The following MCM9 variants were observed in gnomAD, a reference collection of about 807,000 sequenced individuals.
MCM9 encodes minichromosome maintenance 9 homologous recombination repair factor, also known as DNA helicase MCM9.
In MCM9, 55 loss-of-function variants were observed where a neutral mutation model predicts 72.8. The ratio of observed to expected loss-of-function variants is 0.76; its 90% CI spans 0.61 to 0.95. The LOEUF (loss-of-function observed/expected upper bound fraction) is 0.95, where lower values mean the gene tolerates loss of function less well. Among genes scored for constraint, MCM9 ranks in the 40% least tolerant of loss-of-function variants. The pLI is 0.00. For synonymous variants in MCM9, 480 were observed against 503.4 expected, an observed-to-expected ratio of 0.95 and a Z score of 0.62; for missense variants, 1,279 against 1,377.0, an observed-to-expected ratio of 0.93 and a Z score of 1.13.
chr6:118,875,898 T>A (rs1056370843), intron 8 of MCM9, among the ~76,000 whole-genome samples: 7 of 152,188 alleles, frequency 4.6e-5, no homozygotes, highest in Admixed American at 4.6e-4. Flanking sequence ...CATAAGGCAC[T>A]GGAAAGTTAT....
At chr6:118,843,459 T>C (rs1432228153) in intron 9 of MCM9, among the ~76,000 whole-genome samples, 2 of 150,840 alleles carry the variant, frequency 1.3e-5, no homozygotes, top group Non-Finnish European at 1.5e-5. Context: ...CGAAACCCTG[T>C]CTCTACTAAA....
At chr6:118,901,950 C>G (rs562179468) in intron 8 of MCM9, among the ~76,000 whole-genome samples, 3 of 152,282 alleles carry the variant, frequency 2.0e-5, no homozygotes, top group African/African-American at 7.2e-5. Context: ...CATGCCATCT[C>G]TAGAGCTGCT....
rs1004074168 is a variant in MCM9 at position 118,850,963 on chromosome 6, C to T, written c.1325+5408G>A. ...CCTCTTGAGTAGCTGGGACTACAGG[C>T]GCACACCACTGTACTTGGCTGTTTT... On this transcript the variant is annotated intron_variant, in intron 9 of 13. Transcript: ENST00000619706. Among the ~76,000 whole-genome samples the T allele has an allele frequency of 3.3e-5, 5 of 151,650 alleles. No individual in the cohort carries two copies. The East Asian group carries it at 5.8e-4, about 17-fold the overall frequency.
chr6:118,819,520 G>T (rs757305667), intron 13 of MCM9, among the ~76,000 whole-genome samples: 1 of 152,162 alleles, frequency 6.6e-6, no homozygotes, highest in Non-Finnish European at 1.5e-5. Flanking sequence ...TATTCAGTTT[G>T]CCAGTATTTT....
chr6:118,897,633 C>A (rs1421429738), intron 8 of MCM9, among the ~76,000 whole-genome samples: 1 of 152,046 alleles, frequency 6.6e-6, no homozygotes, highest in Non-Finnish European at 1.5e-5. Flanking sequence ...TTCCCTCATT[C>A]ACTCACTCTT....
chr6:118,881,488 A>G (rs1345483193), intron 8 of MCM9, among the ~76,000 whole-genome samples: 1 of 152,218 alleles, frequency 6.6e-6, no homozygotes, highest in Non-Finnish European at 1.5e-5. Flanking sequence ...TTGTATAAGT[A>G]TTACATTTTC....
chr6:118,827,381 T>A (rs1352014503), intron 11 of MCM9, among the ~76,000 whole-genome samples: 1 of 152,222 alleles, frequency 6.6e-6, no homozygotes, highest in African/African-American at 2.4e-5. Flanking sequence ...ATTATTCAGT[T>A]CATGTGAATT....
chr6:118,872,795 T>G (rs1777688078), intron 8 of MCM9, among the ~76,000 whole-genome samples: 1 of 151,248 alleles, frequency 6.6e-6, no homozygotes, highest in Non-Finnish European at 1.5e-5. Context: ...TAAGTTCTCA[T>G]CTTAGGGAAA....
chr6:118,837,311 G>T (rs781114659), intron 9 of MCM9, among the ~76,000 whole-genome samples: 1 of 152,230 alleles, frequency 6.6e-6, no homozygotes, highest in Non-Finnish European at 1.5e-5. Flanking sequence ...TTTAGAATAA[G>T]TGCTATGTGG....
At chr6:118,847,875 T>A (rs979107542) in intron 9 of MCM9, among the ~76,000 whole-genome samples, 3 of 151,932 alleles carry the variant, frequency 2.0e-5, no homozygotes, top group African/African-American at 7.3e-5. Flanking sequence ...CAGAATGGCA[T>A]CAGATTTGTC....
chr6:118,815,773 T>C lies in MCM9; in HGVS notation c.2483A>G (p.Glu828Gly). Reference sequence around the variant, plus strand: ...TGGTTTATCAGCAGAGACTGCTGCTTCAGAATCTAGTGCTAGCCTTTTTTT... The same window carrying C: ...TGGTTTATCAGCAGAGACTGCTGCTCCAGAATCTAGTGCTAGCCTTTTTTT... ...NKKKRLALDS[E>G]AAVSADKPDS... is the part of the protein sequence containing the mutation. The change falls in exon 14 of 14, where the codon GAA becomes GGA. Residue 828 changes from glutamate to glycine, a missense_variant. By Grantham distance (98) the Glu-to-Gly change is moderately conservative. Transcript: ENST00000619706. The C allele has an allele frequency of 6.5e-7, 1 of 1,541,228 alleles. No homozygotes were observed. Among genetic ancestry groups the C allele is most frequent in the Non-Finnish European group, 8.7e-7 (1 of 1,147,006 alleles).
In MCM9 at chr6:118,814,095, TGGTTGAA is replaced by T. The variant is rs1773265749; in HGVS notation, c.*722_*728del. On this transcript the variant is annotated 3_prime_UTR_variant, in exon 14 of 14. Transcript: ENST00000619706. Reference sequence around the variant, plus strand: ...CTTCTTCTAATCACAGTATTTTACTTGGTTGAAGGTAGGCCCCCAAGAGAAAAAAGAA... The same window carrying T: ...CTTCTTCTAATCACAGTATTTTACTTGGTAGGCCCCCAAGAGAAAAAAGAA... The T allele has an allele frequency of 6.6e-6, 1 of 152,172 alleles. No homozygotes were observed. The highest frequency in any genetic ancestry group is 1.5e-5 in the Non-Finnish European group (1 of 68,018). The allele number at this position is 152,172 out of a possible 1,614,324, so 9.4% of individuals were successfully genotyped here.
In MCM9 at chr6:118,911,690, T is replaced by C. The variant is rs752534879; in HGVS notation, c.1110A>G (p.Pro370=). ...QFLKYAAKIT[P]RSVLTTGIGS... is the part of the protein sequence containing the mutation. ...CAATTCCTGTGGTCAGCACAGATCT[T>C]GGTGTAATCTTTGCTGCATATTTGA... The change falls in exon 8 of 14, where the codon CCA becomes CCG. Residue 370 remains proline, a synonymous_variant. Coordinates refer to ENST00000619706, the MANE Select transcript of MCM9 (RefSeq NM_017696.3). 190 of 1,613,576 alleles carry C rather than the reference T, an allele frequency of 1.2e-4. No homozygotes were observed. The highest frequency in any genetic ancestry group is 1.1e-5 in the South Asian group (1 of 91,070).
chr6:118,815,297 G>GT lies in MCM9; in HGVS notation c.2958dup (p.Gln987ThrfsTer3). On this transcript the variant is annotated frameshift_variant, in exon 14 of 14. Coordinates refer to ENST00000619706, the MANE Select transcript of MCM9 (RefSeq NM_017696.3). LOFTEE classifies it low-confidence loss of function (END_TRUNC). ...TGCGACACCTCCTTTGTCTCACCCT[G>GT]TGGCTGACTGGAGATCTGGTTTCCT... 1 of 1,550,612 alleles carries GT rather than the reference G, an allele frequency of 6.4e-7. No individual in the cohort carries two copies. Among genetic ancestry groups the GT allele is most frequent in the Non-Finnish European group, 8.7e-7 (1 of 1,146,950 alleles).
chr6:118,913,304 G>A lies in MCM9; in HGVS notation c.1021C>T (p.Arg341Trp), dbSNP rs749769300. The A allele has an allele frequency of 6.2e-6, 10 of 1,613,908 alleles. No homozygotes were observed. The highest frequency in any genetic ancestry group is 4.0e-5 in the African/African-American group (3 of 74,976). ...GIQRTDATGT[R>W]VRGESHLLLV... ...CTAAATAGGTACTAACCTCTGACCC[G>A]TGTTCCTGTAGCATCAGTCCTTTGA... Residue 341 changes from arginine (R) to tryptophan (W), a missense_variant, in exon 7 of 14, where the codon CGG (arginine) becomes TGG (tryptophan). Coordinates refer to ENST00000619706, the MANE Select transcript of MCM9 (RefSeq NM_017696.3).
intron 8 of MCM9, chr6:118,907,653 A>T: frequency 1.3e-6 from 2 of 1,499,840 alleles, no homozygotes; most frequent in Non-Finnish European, 9.3e-7. Flanking sequence ...AGCTATTAAA[A>T]ATACACAGAA....
chr6:118,906,712 A>T (rs759879627), intron 8 of MCM9, among the ~76,000 whole-genome samples: 163 of 152,198 alleles, frequency 1.1e-3, no homozygotes, highest in Non-Finnish European at 1.6e-3. Flanking sequence ...ATTCTTAAAG[A>T]TACTTAGTAT....
intron 9 of MCM9, among the ~76,000 whole-genome samples, chr6:118,834,517 C>T (rs1774814838): frequency 6.6e-6 from 1 of 151,836 alleles, no homozygotes. Flanking sequence ...TCCTCTCCAG[C>T]ATCTGTTTCC....
intron 9 of MCM9, among the ~76,000 whole-genome samples, chr6:118,834,603 GACT>G (rs1774821943): frequency 6.6e-6 from 1 of 152,046 alleles, no homozygotes; most frequent in African/African-American, 2.4e-5. Flanking sequence ...CTTCTCTAAT[GACT>G]ACTGATGATG....
Sources: allele counts gnomAD v4.1 joint callset (sites outside exome capture counted in the v4.1 genomes callset), GRCh38; gene constraint gnomAD v4.1.1; transcripts MANE v1.5; gene names NCBI Gene and HGNC (gene_info 2026-07-23, HGNC 2026-07-21).